Variants in MAGI2 observed in about 807,000 individuals in gnomAD.
The protein encoded by MAGI2 is membrane associated guanylate kinase, WW and PDZ domain containing 2, also known as membrane-associated guanylate kinase, WW and PDZ domain-containing protein 2.
MAGI2 carries 35 observed loss-of-function variants against 133.3 expected under a neutral mutation model. The observed-to-expected ratio is 0.26, with a 90% confidence interval of 0.20 to 0.35. MAGI2 has a LOEUF of 0.35. MAGI2 is among the 10% of genes least tolerant of loss of function. The probability of loss-of-function intolerance (pLI) is 1.00; values close to 1 mark genes in which losing one functional copy is unlikely to be tolerated. For synonymous variants in MAGI2, 729 were observed against 710.6 expected (o/e 1.03, Z -0.41); for missense variants, 1,636 against 1,863.4 (o/e 0.88, Z 2.25).
chr7:79,360,300 G>T (rs929231877), intron 1 of MAGI2, among the ~76,000 whole-genome samples: 4 of 152,048 alleles, frequency 2.6e-5, no homozygotes, highest in Admixed American at 2.6e-4. Flanking sequence ...AGGTTATCTT[G>T]GGGTAAACAC....
chr7:78,813,648 T>C (rs1172846911), intron 2 of MAGI2, among the ~76,000 whole-genome samples: 1 of 151,732 alleles, frequency 6.6e-6, no homozygotes, highest in Non-Finnish European at 1.5e-5. Context: ...TGGCCAGGCG[T>C]GGTGGCGGGC....
chr7:79,158,245 G>T (rs892762688), intron 1 of MAGI2, among the ~76,000 whole-genome samples: 6 of 151,886 alleles, frequency 4.0e-5, no homozygotes, highest in African/African-American at 1.4e-4. Flanking sequence ...ACTTCTATCA[G>T]CATGCCTAAT....
intron 6 of MAGI2, among the ~76,000 whole-genome samples, chr7:78,373,967 T>C (rs1794190965): frequency 6.6e-6 from 1 of 152,196 alleles, no homozygotes; most frequent in African/African-American, 2.4e-5. Flanking sequence ...CCATGGTGCA[T>C]ATATACCACA....
chr7:79,014,121 C>T (rs1056054387), intron 1 of MAGI2, among the ~76,000 whole-genome samples: 1 of 152,118 alleles, frequency 6.6e-6, no homozygotes, highest in Non-Finnish European at 1.5e-5. Flanking sequence ...AGAATAATTG[C>T]TATTTCAGAG....
At chr7:78,257,425 T>A (rs17150414) in intron 9 of MAGI2, among the ~76,000 whole-genome samples, 26,620 of 152,106 alleles carry the variant, frequency 0.18, 2,754 homozygotes, top group South Asian at 0.29. Flanking sequence ...TGATCTTAGA[T>A]AAACTAATAT....
At chr7:79,082,470 G>A (rs575256018) in intron 1 of MAGI2, among the ~76,000 whole-genome samples, 131 of 151,984 alleles carry the variant, frequency 8.6e-4, no homozygotes, top group African/African-American at 3.0e-3. Flanking sequence ...CACTTGTTGA[G>A]AAGGTTATTC....
chr7:78,990,488 G>A (rs1805652768), intron 2 of MAGI2, among the ~76,000 whole-genome samples: 1 of 151,972 alleles, frequency 6.6e-6, no homozygotes, highest in East Asian at 1.9e-4. Flanking sequence ...TGCTCAAAAG[G>A]TCTTCTCAAT....
At chr7:78,486,475 AAAG>A (rs1793018704) in intron 6 of MAGI2, 3 of 172,104 alleles carry the variant, frequency 1.7e-5, no homozygotes, top group Non-Finnish European at 2.5e-5. Flanking sequence ...GGAAAAATCA[AAAG>A]AAGAAGAATA....
chr7:78,478,348 G>A (rs756384925), intron 6 of MAGI2, among the ~76,000 whole-genome samples: 1 of 151,822 alleles, frequency 6.6e-6, no homozygotes, highest in African/African-American at 2.4e-5. Flanking sequence ...TCTAGTTTAA[G>A]CGTCTTGTGG....
chr7:79,404,758 C>A (rs1179313706), intron 1 of MAGI2, among the ~76,000 whole-genome samples: 2 of 152,042 alleles, frequency 1.3e-5, no homozygotes, highest in East Asian at 3.9e-4. Flanking sequence ...AGCTCATATC[C>A]CTCTATATAG....
Position 79,235,615 on chromosome 7 carries a change from G to A in MAGI2, c.301+217405C>T, listed in dbSNP as rs556577941. Among the ~76,000 whole-genome samples the A allele has an allele frequency of 1.1e-3, 173 of 152,304 alleles. 1 individual carries two copies. Among genetic ancestry groups the A allele is most frequent in the African/African-American group, 3.7e-3 (152 of 41,574 alleles). ...GAAAGGGAACTCCCCGACCCCTTGCGCTTCCCAAGTGAGGCAATGCCTTGC... is the reference window on the plus strand; with the variant it reads ...GAAAGGGAACTCCCCGACCCCTTGCACTTCCCAAGTGAGGCAATGCCTTGC... On this transcript the variant is annotated intron_variant, in intron 1 of 21. Coordinates refer to ENST00000354212, the MANE Select transcript of MAGI2 (RefSeq NM_012301.4).
At chr7:78,749,938 G>C (rs1483396401) in intron 2 of MAGI2, among the ~76,000 whole-genome samples, 2 of 152,054 alleles carry the variant, frequency 1.3e-5, no homozygotes, top group African/African-American at 2.4e-5. Flanking sequence ...GAACACGGAG[G>C]CTTGTTATAT....
intron 6 of MAGI2, among the ~76,000 whole-genome samples, chr7:78,431,014 G>T (rs1410925703): frequency 2.0e-5 from 3 of 151,682 alleles, no homozygotes; most frequent in African/African-American, 7.3e-5. Flanking sequence ...CCAGAGACAG[G>T]TATTATAGAC....
chr7:79,021,311 C>T (rs571998254), intron 1 of MAGI2, among the ~76,000 whole-genome samples: 1 of 152,240 alleles, frequency 6.6e-6, no homozygotes, highest in East Asian at 1.9e-4. Flanking sequence ...CACCATCCTT[C>T]AGACCCTAGA....
chr7:78,519,499 G>A (rs1273909606), intron 4 of MAGI2, among the ~76,000 whole-genome samples: 2 of 152,098 alleles, frequency 1.3e-5, no homozygotes, highest in African/African-American at 4.8e-5. Flanking sequence ...GCTAACAATT[G>A]TTCTCTACTA....
intron 12 of MAGI2, among the ~76,000 whole-genome samples, chr7:78,192,860 G>A (rs1224616508): frequency 3.3e-5 from 5 of 152,094 alleles, no homozygotes; most frequent in Non-Finnish European, 7.4e-5. Flanking sequence ...CAGCAGCAGC[G>A]GCACAGGGAG....
intron 6 of MAGI2, among the ~76,000 whole-genome samples, chr7:78,488,045 A>G (rs1205595675): frequency 1.3e-5 from 2 of 152,108 alleles, no homozygotes; most frequent in East Asian, 1.9e-4. Context: ...CTAACAAACT[A>G]GATGTTAGTT....
intron 6 of MAGI2, among the ~76,000 whole-genome samples, chr7:78,379,001 C>A (rs1037338563): frequency 2.0e-5 from 3 of 151,862 alleles, no homozygotes; most frequent in Non-Finnish European, 4.4e-5. Flanking sequence ...GAATAAGGGC[C>A]TCATAGAAGT....
intron 1 of MAGI2, among the ~76,000 whole-genome samples, chr7:79,025,293 C>G (rs1188306558): frequency 6.6e-6 from 1 of 152,058 alleles, no homozygotes; most frequent in Non-Finnish European, 1.5e-5. Context: ...TAAGTGGAGG[C>G]TAAACATTGA....
Sources: allele counts gnomAD v4.1 joint callset (sites outside exome capture counted in the v4.1 genomes callset), GRCh38; gene constraint gnomAD v4.1.1; transcripts MANE v1.5; gene names NCBI Gene and HGNC (gene_info 2026-07-23, HGNC 2026-07-21).